Variants in RIMBP2 observed in about 807,000 individuals in gnomAD.
The protein encoded by RIMBP2 is RIMS-binding protein 2.
Under a neutral mutation model 118.6 loss-of-function variants are expected in RIMBP2, and 48 were observed. That is an observed-to-expected ratio of 0.40 (90% CI 0.32 to 0.51). The LOEUF (loss-of-function observed/expected upper bound fraction) is 0.51. RIMBP2 is among the 20% of genes least tolerant of loss of function. The pLI is 0.41. For synonymous variants in RIMBP2, 762 were observed against 742.9 expected, an observed-to-expected ratio of 1.03 and a Z score of -0.42; for missense variants, 1,551 against 1,768.3, an observed-to-expected ratio of 0.88 and a Z score of 2.20.
intron 1 of RIMBP2, among the ~76,000 whole-genome samples, chr12:130,709,365 G>A (rs911558226): frequency 6.6e-6 from 1 of 152,238 alleles, no homozygotes; most frequent in African/African-American, 2.4e-5. Context: ...GCCACAGGCT[G>A]AAGACGCAGA....
chr12:130,462,257 C>T (rs908235137), intron 6 of RIMBP2, among the ~76,000 whole-genome samples: 16 of 152,182 alleles, frequency 1.1e-4, no homozygotes, highest in Admixed American at 6.5e-4. Flanking sequence ...AATTTGTGAC[C>T]CTCTGCATGC....
chr12:130,426,244 G>A (rs2076780209), intron 15 of RIMBP2: 1 of 151,994 alleles, frequency 6.6e-6, no homozygotes, highest in Non-Finnish European at 1.5e-5. Flanking sequence ...AATTTCTAAA[G>A]AGAACCCAGA....
chr12:130,715,212 G>A (rs1263977294), intron 1 of RIMBP2, among the ~76,000 whole-genome samples: 1 of 152,218 alleles, frequency 6.6e-6, no homozygotes. Context: ...AGAGAAATAT[G>A]GGGCTGGACA....
intron 4 of RIMBP2, among the ~76,000 whole-genome samples, chr12:130,500,046 A>G (rs1167254290): frequency 1.3e-5 from 2 of 152,266 alleles, no homozygotes; most frequent in African/African-American, 4.8e-5. Context: ...TCAGGAAGCC[A>G]GTGCCTGAGG....
intron 2 of RIMBP2, among the ~76,000 whole-genome samples, chr12:130,610,373 G>A (rs970416230): frequency 6.6e-6 from 1 of 152,134 alleles, no homozygotes; most frequent in Non-Finnish European, 1.5e-5. Flanking sequence ...CATCTGTGTG[G>A]CCCCAAAAGT....
intron 2 of RIMBP2, among the ~76,000 whole-genome samples, chr12:130,596,815 C>CTGAACT (rs2140378056): frequency 6.6e-6 from 1 of 152,308 alleles, no homozygotes; most frequent in South Asian, 2.1e-4. Context: ...AACCGTATAT[C>CTGAACT]TGAACTAAGT....
chr12:130,401,404 T>A (rs2074552782), intron 21 of RIMBP2, among the ~76,000 whole-genome samples: 1 of 152,120 alleles, frequency 6.6e-6, no homozygotes, highest in African/African-American at 2.4e-5. Context: ...GCTGAGGCAC[T>A]ATACCTGGCC....
At chr12:130,713,936 G>C (rs1330024793) in intron 1 of RIMBP2, among the ~76,000 whole-genome samples, 1 of 152,326 alleles carries the variant, frequency 6.6e-6, no homozygotes. Context: ...GATCCTCAAA[G>C]TGGGGTCCCT....
At chr12:130,550,807 G>A (rs746202537) in intron 2 of RIMBP2, among the ~76,000 whole-genome samples, 4 of 152,166 alleles carry the variant, frequency 2.6e-5, no homozygotes, top group Non-Finnish European at 5.9e-5. Flanking sequence ...CTGTCCTCAG[G>A]GAGCTTATGG....
At chr12:130,673,994 T>C (rs1458156662) in intron 1 of RIMBP2, among the ~76,000 whole-genome samples, 1 of 150,610 alleles carries the variant, frequency 6.6e-6, no homozygotes, top group Non-Finnish European at 1.5e-5. Flanking sequence ...AGCACGCACC[T>C]GTAATCCCAG....
chr12:130,642,989 C>A (rs1037143857), intron 1 of RIMBP2, among the ~76,000 whole-genome samples: 2 of 152,220 alleles, frequency 1.3e-5, no homozygotes, highest in Non-Finnish European at 1.5e-5. Flanking sequence ...TATATCCCCA[C>A]CTGCTCTGGA....
intron 1 of RIMBP2, among the ~76,000 whole-genome samples, chr12:130,685,117 A>C (rs1037211659): frequency 2.9e-4 from 44 of 152,036 alleles, no homozygotes; most frequent in Non-Finnish European, 5.0e-4. Flanking sequence ...AATGGCAGCC[A>C]CCCTCTCTTA....
At chr12:130,589,169 T>C (rs1400019050) in intron 2 of RIMBP2, among the ~76,000 whole-genome samples, 2 of 152,154 alleles carry the variant, frequency 1.3e-5, no homozygotes, top group East Asian at 1.9e-4. Context: ...GTAATAATCC[T>C]TTTCAGGAAG....
chr12:130,475,016 G>A lies in RIMBP2; in HGVS notation c.102+3896C>T, dbSNP rs1005621431. 5.9e-5 allele frequency among the ~76,000 whole-genome samples: 9 copies of A among 152,172 alleles called. No individual in the cohort carries two copies. Among genetic ancestry groups the A allele is most frequent in the Non-Finnish European group, 1.3e-4 (9 of 68,030 alleles). On this transcript the variant is annotated intron_variant, in intron 5 of 22. Transcript: ENST00000690449. This position sits in a 1 kb window ranked among gnomAD's most constrained non-coding sequence, Gnocchi z 4.1. ...TCTCCAGGAAGCACGCGTCTCCCGGGAGAGCCTGAGGTTACCAGCAGACAG... is the reference window on the plus strand; with the variant it reads ...TCTCCAGGAAGCACGCGTCTCCCGGAAGAGCCTGAGGTTACCAGCAGACAG...
At chr12:130,659,161 A>C (rs992122801) in intron 1 of RIMBP2, among the ~76,000 whole-genome samples, 11 of 152,222 alleles carry the variant, frequency 7.2e-5, no homozygotes, top group African/African-American at 2.7e-4. Context: ...ATAACTTTAC[A>C]CTGTCTAGTG....
At chr12:130,510,323 T>C (rs577451172) in intron 3 of RIMBP2, among the ~76,000 whole-genome samples, 9 of 151,998 alleles carry the variant, frequency 5.9e-5, no homozygotes, top group African/African-American at 2.2e-4. Flanking sequence ...GCAATTGCAG[T>C]GACTTAAGGC....
At chr12:130,503,502 C>T (rs1018346401) in intron 4 of RIMBP2, among the ~76,000 whole-genome samples, 2 of 152,208 alleles carry the variant, frequency 1.3e-5, no homozygotes, top group South Asian at 2.1e-4. Flanking sequence ...TCCTTGCTAA[C>T]GATGCAAAAA....
chr12:130,605,205 C>T (rs1330279540), intron 2 of RIMBP2, among the ~76,000 whole-genome samples: 1 of 152,166 alleles, frequency 6.6e-6, no homozygotes, highest in Non-Finnish European at 1.5e-5. Context: ...ACATACTATC[C>T]TAATAATATA....
chr12:130,525,533 CG>C lies in RIMBP2; in HGVS notation c.-216-7617del, dbSNP rs975934953. On this transcript the variant is annotated intron_variant, in intron 2 of 22. Coordinates refer to ENST00000690449, the MANE Select transcript of RIMBP2 (RefSeq NM_001393629.1). The surrounding 1 kb of genome is among the most constrained non-coding windows in gnomAD (Gnocchi z 4.4). ...AGTAACTCCTCCTTCCTCCCACAGGCGAGTGGAATGTGGGTAGCTGCCGGGA... is the reference window on the plus strand; with the variant it reads ...AGTAACTCCTCCTTCCTCCCACAGGCAGTGGAATGTGGGTAGCTGCCGGGA... 2.8e-4 allele frequency among the ~76,000 whole-genome samples: 42 copies of C among 152,166 alleles called. 1 individual carries two copies. Among genetic ancestry groups the C allele is most frequent in the African/African-American group, 9.4e-4 (39 of 41,522 alleles).
Sources: gnomAD v4.1 joint callset for allele counts (sites outside exome capture counted in the v4.1 genomes callset) on GRCh38, gnomAD v4.1.1 for gene constraint, Gnocchi (gnomAD v3.1) non-coding constraint, MANE v1.5 for transcripts, NCBI Gene and HGNC (gene_info 2026-07-23, HGNC 2026-07-21) for gene names.